SAMMSON: variants seen among roughly 807,000 people sequenced by gnomAD.
SAMMSON encodes the protein long intergenic non-protein coding RNA 1212.
At chr3:70,180,271 C>T (rs1400724956) in intron 4 of SAMMSON, among the ~76,000 whole-genome samples, 2 of 151,908 alleles carry the variant, frequency 1.3e-5, no homozygotes, top group Admixed American at 1.3e-4. Flanking sequence ...GAAGATTGAA[C>T]TAAATAATGT....
At chr3:70,421,670 T>C (rs114098414) in intron 2 of SAMMSON, among the ~76,000 whole-genome samples, 3 of 152,066 alleles carry the variant, frequency 2.0e-5, no homozygotes, top group African/African-American at 4.8e-5. Flanking sequence ...ATCTCCACAG[T>C]AGGAATAAGA....
At chr3:70,324,338 C>A (rs1256725806) in intron 7 of SAMMSON, among the ~76,000 whole-genome samples, 1 of 152,074 alleles carries the variant, frequency 6.6e-6, no homozygotes, top group African/African-American at 2.4e-5. Flanking sequence ...GCCTGGGAAT[C>A]AGATCAGCGG....
intron 4 of SAMMSON, among the ~76,000 whole-genome samples, chr3:70,094,087 A>G (rs1440298127): frequency 6.6e-6 from 1 of 152,194 alleles, no homozygotes; most frequent in Non-Finnish European, 1.5e-5. Flanking sequence ...TGCAAATTAT[A>G]TAAAATTCAG....
intron 7 of SAMMSON, among the ~76,000 whole-genome samples, chr3:70,297,525 A>G (rs1287340676): frequency 6.6e-6 from 1 of 152,138 alleles, no homozygotes; most frequent in East Asian, 1.9e-4. Flanking sequence ...CAGAAATATG[A>G]AGGCTTATTA....
chr3:70,083,000 G>A lies in SAMMSON; in HGVS notation n.507+11435G>A, dbSNP rs117164022. Among the ~76,000 whole-genome samples the A allele has an allele frequency of 1.2e-3, 177 of 152,290 alleles. 5 individuals carry two copies. The East Asian group carries it at 0.033, about 29-fold the overall frequency. ...CCTGGCTGTAAGGTCTCTGTGTTTT[G>A]CTACTAATTCTTGATTTTTAAAGTG... On this transcript the variant is annotated intron_variant and non_coding_transcript_variant, in intron 4 of 9. Coordinates refer to ENST00000642114, the Ensembl canonical transcript of SAMMSON.
chr3:70,395,527 A>T (rs1186631014), intron 2 of SAMMSON, among the ~76,000 whole-genome samples: 1 of 151,978 alleles, frequency 6.6e-6, no homozygotes, highest in Non-Finnish European at 1.5e-5. Flanking sequence ...ATTCAAAACT[A>T]TTTTGTTGAA....
chr3:70,177,425 G>C (rs1701016441), intron 4 of SAMMSON, among the ~76,000 whole-genome samples: 1 of 152,176 alleles, frequency 6.6e-6, no homozygotes, highest in African/African-American at 2.4e-5. Flanking sequence ...TGACTTCAAG[G>C]TCATAGTCAA....
chr3:70,407,186 A>G (rs1319339235), intron 2 of SAMMSON, among the ~76,000 whole-genome samples: 2 of 152,194 alleles, frequency 1.3e-5, no homozygotes, highest in Non-Finnish European at 2.9e-5. Flanking sequence ...CATGGGAATT[A>G]TGGGAGTACA....
chr3:70,126,166 G>A (rs2067457663), intron 4 of SAMMSON: 1 of 1,203,904 alleles, frequency 8.3e-7, no homozygotes, highest in South Asian at 1.3e-5. Flanking sequence ...ATTAAGAAAA[G>A]TCAGCCCATG....
intron 2 of SAMMSON, among the ~76,000 whole-genome samples, chr3:70,405,142 T>A (rs1701168597): frequency 6.6e-6 from 1 of 152,042 alleles, no homozygotes; most frequent in Non-Finnish European, 1.5e-5. Context: ...CTCTAAACAA[T>A]GGGGCATTTG....
intron 4 of SAMMSON, among the ~76,000 whole-genome samples, chr3:70,087,420 A>G (rs2067289638): frequency 6.6e-6 from 1 of 152,156 alleles, no homozygotes; most frequent in South Asian, 2.1e-4. Context: ...TAGGGGTCTC[A>G]GCCTGAGACC....
rs749614091 is a variant in SAMMSON, at chr3:70,089,413, A to G, written n.507+17848A>G. Among the ~76,000 whole-genome samples the G allele has an allele frequency of 2.4e-4, 37 of 152,142 alleles. 1 individual carries two copies. Among genetic ancestry groups the G allele is most frequent in the Non-Finnish European group, 4.6e-4 (31 of 68,030 alleles). On this transcript the variant is annotated intron_variant and non_coding_transcript_variant, in intron 4 of 9. Transcript: ENST00000642114. Reference sequence around the variant, plus strand: ...TTAATGCAAAGGAAAACTGAGTCAAACAGAGAAGTAAATTAGCCAAGGTTA... The same window carrying G: ...TTAATGCAAAGGAAAACTGAGTCAAGCAGAGAAGTAAATTAGCCAAGGTTA...
At chr3:70,336,727 A>C (rs1014254517) in intron 7 of SAMMSON, among the ~76,000 whole-genome samples, 6 of 151,510 alleles carry the variant, frequency 4.0e-5, no homozygotes, top group Non-Finnish European at 4.4e-5. Context: ...TATTTTCATC[A>C]ATGTCCATAC....
At chr3:70,076,902 GA>G (rs934329438) in intron 4 of SAMMSON, among the ~76,000 whole-genome samples, 28 of 152,228 alleles carry the variant, frequency 1.8e-4, no homozygotes, top group Non-Finnish European at 4.0e-4. Flanking sequence ...TTCAGGGGCT[GA>G]AAAAAATTAT....
chr3:70,345,928 G>A (rs780764680), intron 7 of SAMMSON, among the ~76,000 whole-genome samples: 2 of 152,128 alleles, frequency 1.3e-5, no homozygotes, highest in African/African-American at 2.4e-5. Flanking sequence ...TATGAATAAG[G>A]TTGCAATAAA....
intron 3 of SAMMSON, among the ~76,000 whole-genome samples, chr3:70,028,186 C>CCTTCCTTCCTTTCTTT (rs1491431567): frequency 1.9e-5 from 2 of 103,876 alleles, no homozygotes; most frequent in African/African-American, 6.6e-5. Context: ...TTCCTTCCTT[C>CCTTCCTTCCTTTCTTT]CTTTCTTTCT....
rs190554208 is a variant in SAMMSON at position 70,063,710 on chromosome 3, A to C, written n.418-7766A>C. ...TTTCTGTGAATCAAATCCTTATCACAGGAGACAGTACAGGAGAGTGGTTCA... is the reference window on the plus strand; with the variant it reads ...TTTCTGTGAATCAAATCCTTATCACCGGAGACAGTACAGGAGAGTGGTTCA... On this transcript the variant is annotated intron_variant and non_coding_transcript_variant, in intron 3 of 9. Coordinates refer to ENST00000642114, the Ensembl canonical transcript of SAMMSON. 3.7e-4 allele frequency among the ~76,000 whole-genome samples: 57 copies of C among 152,232 alleles called. No homozygotes were observed. In the East Asian group the frequency reaches 0.011, roughly 29 times the overall value.
chr3:70,428,180 T>C (rs898252088), intron 2 of SAMMSON, among the ~76,000 whole-genome samples: 12 of 152,176 alleles, frequency 7.9e-5, no homozygotes, highest in Non-Finnish European at 1.8e-4. Context: ...TCTCTCCAAA[T>C]TGATCTAAAG....
At chr3:70,378,697 T>C (rs577510360) in intron 9 of SAMMSON, among the ~76,000 whole-genome samples, 1 of 152,234 alleles carries the variant, frequency 6.6e-6, no homozygotes, top group Non-Finnish European at 1.5e-5. Context: ...ACTTATGCAT[T>C]TACCTTTAAT....
Sources: allele counts gnomAD v4.1 joint callset (sites outside exome capture counted in the v4.1 genomes callset), GRCh38; gene constraint gnomAD v4.1.1; transcripts MANE v1.5; gene names NCBI Gene and HGNC (gene_info 2026-07-23, HGNC 2026-07-21).